NAALADL1: variants seen among roughly 807,000 people sequenced by gnomAD.
NAALADL1 encodes N-acetylated alpha-linked acidic dipeptidase like 1.
Under a neutral mutation model 82.8 loss-of-function variants are expected in NAALADL1, and 77 were observed. The observed-to-expected ratio is 0.93, with a 90% confidence interval of 0.77 to 1.12. The LOEUF is 1.12. Ranked by LOEUF, NAALADL1 falls within the 50% of genes most tolerant of loss-of-function variation. NAALADL1 has a pLI of 0.00. For missense variants in NAALADL1, 956 were observed against 964.0 expected, an observed-to-expected ratio of 0.99 and a Z score of 0.11; for synonymous variants, 358 against 399.2, an observed-to-expected ratio of 0.90 and a Z score of 1.23.
At chr11:65,046,847 C>A (rs1289970192) in intron 13 of NAALADL1, among the ~76,000 whole-genome samples, 1 of 152,152 alleles carries the variant, frequency 6.6e-6, no homozygotes, top group Non-Finnish European at 1.5e-5. Flanking sequence ...AGGTGGAGAA[C>A]ATACTTTTTG....
intron 13 of NAALADL1, 95 bp downstream of exon 13, chr11:65,047,380 G>T (rs1479757927): frequency 9.7e-7 from 1 of 1,032,604 alleles, no homozygotes; most frequent in Non-Finnish European, 1.4e-6. Flanking sequence ...AATGAGTAAA[G>T]GTGCAGGGTT....
Position 65,054,495 on chromosome 11 carries a change from T to C in NAALADL1, c.847A>G (p.Thr283Ala). ...GCATCCTGGAAGCCAATGGGCTGTGTAGGAATTGGGGGAAATCCGGAGACA... is the reference window on the plus strand; with the variant it reads ...GCATCCTGGAAGCCAATGGGCTGTGCAGGAATTGGGGGAAATCCGGAGACA... Reference protein sequence around the residue: ...ANVSGFPPIPTQPIGFQDARD... With the variant: ...ANVSGFPPIPAQPIGFQDARD... The change falls in exon 5 of 18, where the codon ACA becomes GCA. Residue 283 changes from threonine (T) to alanine (A), a missense_variant. By Grantham distance (58) the Thr-to-Ala change is moderately conservative. Transcript: ENST00000358658. This position sits in a 1 kb window ranked among gnomAD's most constrained non-coding sequence, Gnocchi z 4.3. 1 of 1,613,848 alleles carries C rather than the reference T, an allele frequency of 6.2e-7. No homozygotes were observed. Among genetic ancestry groups the C allele is most frequent in the Non-Finnish European group, 8.5e-7 (1 of 1,179,948 alleles).
rs748746946 is a variant in NAALADL1 at position 65,045,412 on chromosome 11, C to T, written c.2082G>A (p.Pro694=). The T allele has an allele frequency of 3.7e-6, 6 of 1,612,878 alleles. No homozygotes were observed. The highest frequency in any genetic ancestry group is 1.1e-5 in the South Asian group (1 of 90,952). The change falls in exon 18 of 18, where the codon CCG becomes CCA. Residue 694 remains proline, a synonymous_variant. Transcript: ENST00000358658. The stretch of plus-strand genomic sequence containing the variant: ...CCCTGGAGCAGGCATTGGATAGGCC[C>T]GGGAATGTGACTACGGAGCCCGTGC... ...APRTGSVVTF[P]GLSNACSRAR...
chr11:65,058,024 T>G, intron 2 of NAALADL1, 28 bp from the exon 3 acceptor site: 1 of 1,613,974 alleles, frequency 6.2e-7, no homozygotes, highest in Non-Finnish European at 8.5e-7. Flanking sequence ...GTATCATGGC[T>G]GGGCCCAGCA....
rs1946733880 is a variant in NAALADL1, at chr11:65,046,498, G to A, written c.1628C>T (p.Thr543Ile). The change falls in exon 14 of 18, where the codon ACC becomes ATC. Residue 543 changes from threonine to isoleucine, a missense_variant. By Grantham distance (89) the Thr-to-Ile change is moderately conservative. Transcript: ENST00000358658. ...AAAGGTGTCAAAGGCTGTGTGGTAG[G>A]TGGGGTAGATCCTGGCTGAAGTCTT... The part of the protein sequence containing the change: ...RSKTSARIYP[T>I]YHTAFDTFDY... 6.2e-7 allele frequency: 1 copy of A among 1,614,242 alleles called. No individual in the cohort carries two copies.
intron 8 of NAALADL1, among the ~76,000 whole-genome samples, chr11:65,051,431 G>T (rs544691032): frequency 2.1e-5 from 3 of 139,852 alleles, no homozygotes; most frequent in African/African-American, 5.3e-5. Flanking sequence ...CAACCTCCCA[G>T]GCTCAAGTGT....
At chr11:65,060,051 T>G (rs112671673), upstream of NAALADL1, among the ~76,000 whole-genome samples, 5,155 of 152,318 alleles carry the variant, frequency 0.034, 151 homozygotes, top group East Asian at 0.077. Context: ...GCCTTGACTC[T>G]GCCTCGCAGG....
chr11:65,045,365 G>A lies in NAALADL1; in HGVS notation c.2129C>T (p.Ser710Phe). Residue 710 changes from serine to phenylalanine, a missense_variant, in exon 18 of 18, where the codon TCT (serine) becomes TTT (phenylalanine). Ser to Phe is a radical substitution (Grantham distance 155). Transcript: ENST00000358658. ...TCTCTGGACCTCAGCCCAAGCTTCA[G>A]ATCCAGAAGCTGTGTCCCTGGCCCT... The part of the protein sequence containing the change: ...CSRARDTASG[S>F]EAWAEVQRQL... 6.2e-7 allele frequency: 1 copy of A among 1,611,812 alleles called. No homozygotes were observed. Among genetic ancestry groups the A allele is most frequent in the Non-Finnish European group, 8.5e-7 (1 of 1,179,198 alleles).
Position 65,047,635 on chromosome 11 carries a change from C to T in NAALADL1, c.1508+12G>A. The T allele has an allele frequency of 6.3e-7, 1 of 1,597,854 alleles. No individual in the cohort carries two copies. Among genetic ancestry groups the T allele is most frequent in the East Asian group, 2.3e-5 (1 of 44,274 alleles). Reference sequence around the variant, plus strand: ...CGCCTCGCTCCGGGCCCCCTTCTGTCCCTGGGCTTACCTGGGGACCAGGCC... The same window carrying T: ...CGCCTCGCTCCGGGCCCCCTTCTGTTCCTGGGCTTACCTGGGGACCAGGCC... On this transcript the variant is annotated intron_variant, in intron 12 of 17. Coordinates refer to ENST00000358658, the MANE Select transcript of NAALADL1 (RefSeq NM_005468.3).
In NAALADL1 at chr11:65,051,315, C is replaced by CTTTTT. The variant is rs10535126; in HGVS notation, c.1198+1898_1198+1902dup. ...AAGTCTCTCTCTCCTTTCTTTCTTT[C>CTTTTT]TTTTTTTTTTTTTTTTTTTTTTTTT... On this transcript the variant is annotated intron_variant, in intron 8 of 17. Coordinates refer to ENST00000358658, the MANE Select transcript of NAALADL1 (RefSeq NM_005468.3). Among the ~76,000 whole-genome samples, 60 of 59,570 alleles carry CTTTTT rather than the reference C, an allele frequency of 1.0e-3. 2 individuals carry two copies. Among genetic ancestry groups the CTTTTT allele is most frequent in the African/African-American group, 2.8e-3 (43 of 15,594 alleles). The allele number at this position is 59,570 out of a possible 152,430, so 39.1% of individuals were successfully genotyped here. A position where few individuals can be genotyped will look rare whatever the true frequency, so the allele number is the denominator to read the frequency against.
At chr11:65,058,662 C>A, upstream of NAALADL1, 1 of 791,106 alleles carries the variant, frequency 1.3e-6, no homozygotes, top group Non-Finnish European at 1.9e-6. Context: ...AGGGAACATC[C>A]CGCAGTGAGA....
chr11:65,056,402 T>C (rs1282198498), intron 4 of NAALADL1, among the ~76,000 whole-genome samples: 2 of 152,114 alleles, frequency 1.3e-5, no homozygotes, highest in East Asian at 3.9e-4. Flanking sequence ...GTTTGTTTGT[T>C]TGTTTTTTGT....
At position 65,046,295 on chromosome 11, in the gene NAALADL1, G is replaced by A. The variant is rs751605502; in HGVS notation, c.1749C>T (p.Phe583=). 8.1e-6 allele frequency: 13 copies of A among 1,614,110 alleles called. No individual in the cohort carries two copies. Among genetic ancestry groups the A allele is most frequent in the African/African-American group, 2.7e-5 (2 of 74,938 alleles). ...GSVILRLSDS[F]FLPLKVSDYS... ...AGTCACTGACTTTGAGGGGCAGGAA[G>A]AAGCTGTCACTGAGCCGGAGAATCA... The change falls in exon 15 of 18, where the codon TTC becomes TTT. Residue 583 remains phenylalanine, a synonymous_variant. Transcript: ENST00000358658.
chr11:65,045,526 G>A, intron 17 of NAALADL1, 69 bp from the exon 18 acceptor site: 1 of 1,469,748 alleles, frequency 6.8e-7, no homozygotes, highest in Non-Finnish European at 9.1e-7. Flanking sequence ...CCTGGGCCTA[G>A]AACTGGCTCA....
In NAALADL1 at chr11:65,053,252, C is replaced by G. The variant is rs1425421634; in HGVS notation, c.1164G>C (p.Glu388Asp). ...DPSSGTAVLLELSRVLGTLLK... is the reference protein window; with the variant it reads ...DPSSGTAVLLDLSRVLGTLLK... ...GCAGGGTCCCCAGGACACGGGAGAG[C>G]TCCAGGAGGACGGCGGTGCCACTGC... The change falls in exon 8 of 18, where the codon GAG (glutamate) becomes GAC (aspartate). Residue 388 changes from glutamate (E) to aspartate (D), a missense_variant. Transcript: ENST00000358658. This position sits in a 1 kb window ranked among gnomAD's most constrained non-coding sequence, Gnocchi z 4.3. The G allele has an allele frequency of 6.4e-7, 1 of 1,553,514 alleles. No individual in the cohort carries two copies. Among genetic ancestry groups the G allele is most frequent in the Non-Finnish European group, 8.7e-7 (1 of 1,148,638 alleles).
At position 65,045,162 on chromosome 11, in the gene NAALADL1, G is replaced by A. The variant is rs1946688347; in HGVS notation, c.*109C>T. On this transcript the variant is annotated 3_prime_UTR_variant, in exon 18 of 18. Transcript: ENST00000358658. ...AAGCTGTTGCCTGAGAAGCTTGAGAGGGTCCTGTGGTAGTGCCCTCTTCTG... is the reference window on the plus strand; with the variant it reads ...AAGCTGTTGCCTGAGAAGCTTGAGAAGGTCCTGTGGTAGTGCCCTCTTCTG... 1 of 1,240,042 alleles carries A rather than the reference G, an allele frequency of 8.1e-7. No homozygotes were observed. The highest frequency in any genetic ancestry group is 2.5e-5 in the East Asian group (1 of 39,520). The allele number at this position is 1,240,042 out of a possible 1,614,324, so 76.8% of individuals were successfully genotyped here. A position where few individuals can be genotyped will look rare whatever the true frequency, so the allele number is the denominator to read the frequency against.
chr11:65,048,014 A>AGGG lies in NAALADL1; in HGVS notation c.1380_1382dup (p.Pro461dup), dbSNP rs1946782772. ...TTGCAGAGAAGACGACGCTCTGGACAGGGGGCGTCCCCTGCACCCTAAGGG... is the reference window on the plus strand; with the variant it reads ...TTGCAGAGAAGACGACGCTCTGGACAGGGGGGGGCGTCCCCTGCACCCTAAGGG... On this transcript the variant is annotated inframe_insertion, in exon 11 of 18. Transcript: ENST00000358658. The AGGG allele has an allele frequency of 6.2e-7, 1 of 1,612,454 alleles. No homozygotes were observed. The highest frequency in any genetic ancestry group is 1.7e-5 in the Admixed American group (1 of 59,832).
chr11:65,054,535 G>T lies in NAALADL1; in HGVS notation c.807C>A (p.Arg269=). Residue 269 remains arginine (R), a synonymous_variant, in exon 5 of 18, where the codon CGC becomes CGA. Transcript: ENST00000358658. This position sits in a 1 kb window ranked among gnomAD's most constrained non-coding sequence, Gnocchi z 4.3. ...PYLPAVPSSF[R]VDLANVSGFP... is the part of the protein sequence containing the mutation. ...ATCCGGAGACATTGGCAAGGTCCAC[G>T]CGGAAGGAAGAGGGGACGGCTGGAA... 1 of 1,614,014 alleles carries T rather than the reference G, an allele frequency of 6.2e-7. No homozygotes were observed. The highest frequency in any genetic ancestry group is 8.5e-7 in the Non-Finnish European group (1 of 1,179,966).
Position 65,045,803 on chromosome 11 carries a change from GA to G in NAALADL1, c.2036+18del. The G allele has an allele frequency of 6.2e-7, 1 of 1,610,882 alleles. No individual in the cohort carries two copies. The highest frequency in any genetic ancestry group is 1.1e-5 in the South Asian group (1 of 90,894). On this transcript the variant is annotated intron_variant, in intron 17 of 17. Transcript: ENST00000358658. The stretch of plus-strand genomic sequence containing the variant: ...GGCCCCACCTGGAGGCACCTCCCAG[GA>G]CTCTGGGACAGACTCACCTGTAGTA...
Sources: allele counts gnomAD v4.1 joint callset (sites outside exome capture counted in the v4.1 genomes callset), GRCh38; gene constraint gnomAD v4.1.1; non-coding constraint Gnocchi (gnomAD v3.1); transcripts MANE v1.5; gene names NCBI Gene and HGNC (gene_info 2026-07-23, HGNC 2026-07-21).